Variants in ASMTL observed in about 807,000 individuals in gnomAD.
ASMTL encodes acetylserotonin O-methyltransferase like, also known as probable bifunctional dTTP/UTP pyrophosphatase/methyltransferase protein.
ASMTL carries 57 observed loss-of-function variants against 60.3 expected under a neutral mutation model. The ratio of observed to expected loss-of-function variants is 0.95; its 90% CI spans 0.76 to 1.18. The LOEUF is 1.18. ASMTL is among the 50% of genes most tolerant of loss of function. The pLI, the probability that ASMTL is intolerant of heterozygous loss-of-function variation, is 0.00. For synonymous variants in ASMTL, 419 were observed against 373.0 expected, an observed-to-expected ratio of 1.12 and a Z score of -1.42; for missense variants, 981 against 852.6, an observed-to-expected ratio of 1.15 and a Z score of -1.88.
chrX:1,403,525 G>T (rs760840123), intron 12 of ASMTL, 36 bp from the exon 13 acceptor site: 3 of 1,591,140 alleles, frequency 1.9e-6, no homozygotes, highest in Non-Finnish European at 2.6e-6. Context: ...GTCCTGGCCA[G>T]CCAGGCGGGG....
Position 1,435,016 on chromosome X carries a change from G to C in ASMTL, c.400+6C>G. Reference sequence around the variant, plus strand: ...GGGGCTACCCCGAAACCTGGGCCGCGGTTACCTTTGCTGGAGCAGTGGACG... The same window carrying C: ...GGGGCTACCCCGAAACCTGGGCCGCCGTTACCTTTGCTGGAGCAGTGGACG... On this transcript the variant is annotated splice_donor_region_variant and intron_variant, in intron 5 of 12. Transcript: ENST00000381317. The C allele has an allele frequency of 6.2e-7, 1 of 1,613,742 alleles. No homozygotes were observed. The highest frequency in any genetic ancestry group is 8.5e-7 in the Non-Finnish European group (1 of 1,179,836).
chrX:1,434,191 C>T (rs1344424716), intron 5 of ASMTL, among the ~76,000 whole-genome samples: 14 of 152,068 alleles, frequency 9.2e-5, no homozygotes, highest in African/African-American at 3.1e-4. Context: ...GGCCGGGCAC[C>T]GTGGTGCACA....
chrX:1,443,026 C>T (rs1348075084), intron 1 of ASMTL, among the ~76,000 whole-genome samples: 2 of 147,718 alleles, frequency 1.4e-5, no homozygotes, highest in African/African-American at 4.9e-5. Context: ...CTTGGAGAGA[C>T]ACCACCATCT....
At chrX:1,444,347 T>G (rs1348752856) in intron 1 of ASMTL, among the ~76,000 whole-genome samples, 1 of 151,952 alleles carries the variant, frequency 6.6e-6, no homozygotes, top group African/African-American at 2.4e-5. Flanking sequence ...TAGCTGGGAT[T>G]GCAGGTGGGC....
chrX:1,440,883 C>T (rs2091093161), intron 2 of ASMTL, among the ~76,000 whole-genome samples: 1 of 152,106 alleles, frequency 6.6e-6, no homozygotes, highest in African/African-American at 2.4e-5. Flanking sequence ...CACACAGTAA[C>T]ATATTAATTC....
chrX:1,410,747 GTGATGCA>G (rs113089482), intron 12 of ASMTL, among the ~76,000 whole-genome samples: 129,783 of 150,712 alleles, frequency 0.86, 55,970 homozygotes, highest in Middle Eastern at 0.96. Flanking sequence ...GCTGGGCATG[GTGATGCA>G]TGATGCATGC....
intron 3 of ASMTL, among the ~76,000 whole-genome samples, chrX:1,437,411 C>CT (rs1176732498): frequency 3.4e-5 from 5 of 146,452 alleles, no homozygotes; most frequent in Non-Finnish European, 7.6e-5. Context: ...GTCTGGAAGT[C>CT]TGAGATCCAG....
At chrX:1,404,522 G>A (rs1368256558) in intron 12 of ASMTL, among the ~76,000 whole-genome samples, 1 of 146,750 alleles carries the variant, frequency 6.8e-6, no homozygotes, top group Non-Finnish European at 1.5e-5. Context: ...AGTAGATGAT[G>A]GTTAGGTAAG....
chrX:1,407,516 A>G (rs1211670164), intron 12 of ASMTL, among the ~76,000 whole-genome samples: 1 of 151,958 alleles, frequency 6.6e-6, no homozygotes, highest in Non-Finnish European at 1.5e-5. Flanking sequence ...GGGTGAATAT[A>G]TGGTAGATGA....
Position 1,403,352 on chromosome X carries a change from C to G in ASMTL, c.1783G>C (p.Glu595Gln). The stretch of plus-strand genomic sequence containing the variant: ...TGCACCTGGTGGAAGCCGTGCAGCT[C>G]CAGCAAGCACTGATACTCGCCCAGG... ...RSLGEYQCLL[E>Q]LHGFHQVQVV... Residue 595 changes from glutamate to glutamine, a missense_variant, in exon 13 of 13, where the codon GAG becomes CAG. Glu to Gln is a conservative substitution (Grantham distance 29). Coordinates refer to ENST00000381317, the MANE Select transcript of ASMTL (RefSeq NM_004192.4). 6.2e-7 allele frequency: 1 copy of G among 1,613,426 alleles called. No individual in the cohort carries two copies. Among genetic ancestry groups the G allele is most frequent in the Non-Finnish European group, 8.5e-7 (1 of 1,179,860 alleles).
intron 12 of ASMTL, among the ~76,000 whole-genome samples, chrX:1,404,397 G>GTGGATGGA (rs373976343): frequency 6.5e-4 from 98 of 150,164 alleles, no homozygotes; most frequent in African/African-American, 2.4e-3. Flanking sequence ...GGGTAGGTAG[G>GTGGATGGA]TGGATGGATG....
At chrX:1,431,597 A>C (rs756377109) in intron 6 of ASMTL, among the ~76,000 whole-genome samples, 9 of 144,936 alleles carry the variant, frequency 6.2e-5, no homozygotes, top group African/African-American at 2.3e-4. Context: ...ATATTACAGT[A>C]TAATCTATTA....
rs758612830 is a variant in ASMTL at position 1,432,394 on chromosome X, G to A, written c.401-17C>T. The stretch of plus-strand genomic sequence containing the variant: ...GCTGATGGTCTGCAAGGACACAGCC[G>A]TGGGGGTGAGCGTGGACGCCAGCTT... On this transcript the variant is annotated splice_polypyrimidine_tract_variant and intron_variant, in intron 5 of 12. Coordinates refer to ENST00000381317, the MANE Select transcript of ASMTL (RefSeq NM_004192.4). The A allele has an allele frequency of 3.1e-6, 5 of 1,602,592 alleles. No individual in the cohort carries two copies. The highest frequency in any genetic ancestry group is 4.5e-5 in the East Asian group (2 of 44,790).
chrX:1,444,896 A>G lies in ASMTL; in HGVS notation c.94-2579T>C, dbSNP rs1430949221. ...AGGCTCAAGCTGGAGGGTTCTCAAA[A>G]CCCTCAGGTCTCAGAAATCCACCTC... On this transcript the variant is annotated intron_variant, in intron 1 of 12. Coordinates refer to ENST00000381317, the MANE Select transcript of ASMTL (RefSeq NM_004192.4). Among the ~76,000 whole-genome samples, 7 of 151,772 alleles carry G rather than the reference A, an allele frequency of 4.6e-5. No homozygotes were observed. The East Asian group carries it at 1.4e-3, about 29-fold the overall frequency.
chrX:1,425,777 C>T (rs756349952), intron 7 of ASMTL, 90 bp from the exon 8 acceptor site: 4 of 1,387,344 alleles, frequency 2.9e-6, no homozygotes, highest in Admixed American at 2.1e-5. Flanking sequence ...CCAACGCTGT[C>T]GGAAGTATAC....
intron 1 of ASMTL, among the ~76,000 whole-genome samples, chrX:1,450,317 C>T (rs1385280284): frequency 2.6e-5 from 4 of 151,840 alleles, no homozygotes; most frequent in Non-Finnish European, 5.9e-5. Flanking sequence ...GAAACACTTC[C>T]CATACCCCAG....
intron 12 of ASMTL, among the ~76,000 whole-genome samples, chrX:1,404,957 GGGAT>G (rs1439334093): frequency 3.6e-5 from 5 of 140,196 alleles, no homozygotes; most frequent in African/African-American, 8.0e-5. Flanking sequence ...ATGGATGAGA[GGGAT>G]GGATGGGTGA....
Position 1,449,874 on chromosome X carries a change from C to T in ASMTL, c.93+2874G>A, listed in dbSNP as rs182620664. Among the ~76,000 whole-genome samples the T allele has an allele frequency of 5.5e-3, 805 of 145,620 alleles. 5 individuals are homozygous for T. Among genetic ancestry groups the T allele is most frequent in the South Asian group, 0.03 (136 of 4,464 alleles). The stretch of plus-strand genomic sequence containing the variant: ...ACATCACCAGTAACTACCCCCATCA[C>T]CAATAACTATGCCCCATCATCAAAC... On this transcript the variant is annotated intron_variant, in intron 1 of 12. Coordinates refer to ENST00000381317, the MANE Select transcript of ASMTL (RefSeq NM_004192.4).
intron 9 of ASMTL, among the ~76,000 whole-genome samples, chrX:1,420,782 C>G (rs1217134687): frequency 3.6e-4 from 55 of 152,246 alleles, no homozygotes; most frequent in Middle Eastern, 3.4e-3. Context: ...TTTAAGGCAG[C>G]CTGTCCAACT....
Sources: allele counts gnomAD v4.1 joint callset (sites outside exome capture counted in the v4.1 genomes callset), GRCh38; gene constraint gnomAD v4.1.1; transcripts MANE v1.5; gene names NCBI Gene and HGNC (gene_info 2026-07-23, HGNC 2026-07-21).